Variants in CTNNA3 observed in about 807,000 individuals in gnomAD.
The protein encoded by CTNNA3 is catenin alpha 3.
In CTNNA3, 76 loss-of-function variants were observed where a neutral mutation model predicts 95.7. The ratio of observed to expected loss-of-function variants is 0.79; its 90% CI spans 0.66 to 0.96. The LOEUF is 0.96. Ranked by LOEUF, CTNNA3 falls within the 40% of genes least tolerant of loss-of-function variation. The probability of loss-of-function intolerance (pLI) is 0.00; values close to 1 mark genes in which losing one functional copy is unlikely to be tolerated. For synonymous variants in CTNNA3, 431 were observed against 374.4 expected (o/e 1.15, Z -1.74); for missense variants, 1,191 against 1,089.8 (o/e 1.09, Z -1.31).
intron 10 of CTNNA3, among the ~76,000 whole-genome samples, chr10:66,599,383 A>C (rs1178746409): frequency 3.3e-5 from 5 of 152,012 alleles, no homozygotes; most frequent in Non-Finnish European, 7.4e-5. Flanking sequence ...TAAGAGAAAA[A>C]CCATGAATTA....
chr10:66,891,497 C>A (rs1845268067), intron 7 of CTNNA3, among the ~76,000 whole-genome samples: 1 of 152,090 alleles, frequency 6.6e-6, no homozygotes, highest in African/African-American at 2.4e-5. Context: ...TTCTGAAAAA[C>A]TTCAAACTTT....
chr10:67,244,796 GCTTGCTAGTAGGCAT>G (rs1865849158), intron 5 of CTNNA3, among the ~76,000 whole-genome samples: 1 of 152,148 alleles, frequency 6.6e-6, no homozygotes, highest in Admixed American at 6.5e-5. Flanking sequence ...AAGTCAGTTG[GCTTGCTAGTAGGCAT>G]CTCAGACATT....
At chr10:66,084,712 A>G (rs547336786) in intron 14 of CTNNA3, among the ~76,000 whole-genome samples, 8 of 152,308 alleles carry the variant, frequency 5.3e-5, no homozygotes, top group Non-Finnish European at 1.0e-4. Flanking sequence ...TCCCCAAGTG[A>G]GTTATGAATT....
intron 15 of CTNNA3, among the ~76,000 whole-genome samples, chr10:65,990,114 ATTTT>A (rs2078511891): frequency 2.0e-5 from 3 of 149,990 alleles, no homozygotes; most frequent in Non-Finnish European, 4.4e-5. Flanking sequence ...CACACACCAC[ATTTT>A]ATTTATCCAT....
At chr10:66,628,008 C>A (rs1475988725) in intron 9 of CTNNA3, among the ~76,000 whole-genome samples, 1 of 152,076 alleles carries the variant, frequency 6.6e-6, no homozygotes, top group Non-Finnish European at 1.5e-5. Context: ...ATATCTTTAT[C>A]TTCCCACACT....
chr10:66,362,418 G>T (rs2092682821), intron 12 of CTNNA3, among the ~76,000 whole-genome samples: 1 of 149,768 alleles, frequency 6.7e-6, no homozygotes, highest in African/African-American at 2.4e-5. Flanking sequence ...TTATTAAAAG[G>T]TAATTTGATA....
chr10:67,573,152 G>T (rs78988337), intron 3 of CTNNA3, among the ~76,000 whole-genome samples: 1,581 of 152,134 alleles, frequency 0.01, 28 homozygotes, highest in African/African-American at 0.036. Flanking sequence ...CTTTTAGATC[G>T]ATGTGATTAT....
chr10:66,256,924 C>A (rs2090808745), intron 13 of CTNNA3, among the ~76,000 whole-genome samples: 1 of 152,106 alleles, frequency 6.6e-6, no homozygotes, highest in Admixed American at 6.5e-5. Flanking sequence ...ACAAGCCAAC[C>A]CTGGAAGCCT....
chr10:67,244,229 G>C lies in CTNNA3; in HGVS notation c.580-24359C>G, dbSNP rs183432063. 3.1e-4 allele frequency among the ~76,000 whole-genome samples: 47 copies of C among 152,282 alleles called. No individual in the cohort carries two copies. In the East Asian group the frequency reaches 8.9e-3, roughly 29 times the overall value. The stretch of plus-strand genomic sequence containing the variant: ...GGTCTAAGCCTCTTTTAAAAAACCA[G>C]TGATGATGGTTTTTAATCACTTATA... On this transcript the variant is annotated intron_variant, in intron 5 of 17. Coordinates refer to ENST00000433211, the MANE Select transcript of CTNNA3 (RefSeq NM_013266.4).
intron 7 of CTNNA3, among the ~76,000 whole-genome samples, chr10:67,173,665 GT>G (rs1242103694): frequency 2.6e-5 from 4 of 152,124 alleles, no homozygotes; most frequent in Non-Finnish European, 5.9e-5. Context: ...TTTCGTCCAA[GT>G]TAGAACTAAT....
At chr10:66,446,206 C>A (rs2093419731) in intron 11 of CTNNA3, among the ~76,000 whole-genome samples, 1 of 152,092 alleles carries the variant, frequency 6.6e-6, no homozygotes. Context: ...AAAAAAAGTC[C>A]AGGACCAGAT....
intron 7 of CTNNA3, among the ~76,000 whole-genome samples, chr10:67,025,803 G>A (rs190196518): frequency 6.6e-6 from 1 of 151,898 alleles, no homozygotes; most frequent in African/African-American, 2.4e-5. Context: ...AAAGACACAT[G>A]CACACGTATG....
chr10:67,363,154 G>T (rs952309443), intron 5 of CTNNA3, among the ~76,000 whole-genome samples: 1 of 151,980 alleles, frequency 6.6e-6, no homozygotes, highest in African/African-American at 2.4e-5. Flanking sequence ...CCTGCTTATT[G>T]ACAGAAAGAA....
intron 9 of CTNNA3, among the ~76,000 whole-genome samples, chr10:66,666,630 G>C (rs959268060): frequency 6.6e-6 from 1 of 151,864 alleles, no homozygotes; most frequent in Non-Finnish European, 1.5e-5. Context: ...TATGCCATTA[G>C]GTTTTGAAAT....
intron 5 of CTNNA3, among the ~76,000 whole-genome samples, chr10:67,481,470 T>C (rs1848226243): frequency 6.6e-6 from 1 of 152,104 alleles, no homozygotes; most frequent in Admixed American, 6.6e-5. Flanking sequence ...CAGTAGCAGT[T>C]CTATATACCA....
intron 10 of CTNNA3, among the ~76,000 whole-genome samples, chr10:66,557,266 C>G (rs1181642045): frequency 6.6e-6 from 1 of 152,010 alleles, no homozygotes; most frequent in Non-Finnish European, 1.5e-5. Flanking sequence ...TATCAATTTT[C>G]TATAAGTTCT....
intron 13 of CTNNA3, among the ~76,000 whole-genome samples, chr10:66,178,422 T>TATAC (rs1554880256): frequency 5.5e-5 from 4 of 72,734 alleles, no homozygotes; most frequent in East Asian, 5.1e-4. Context: ...TATATATATA[T>TATAC]ATATATATAT....
At chr10:67,016,291 A>G (rs1205621520) in intron 7 of CTNNA3, among the ~76,000 whole-genome samples, 3 of 152,214 alleles carry the variant, frequency 2.0e-5, no homozygotes, top group Admixed American at 2.0e-4. Context: ...GTTGGCAGCC[A>G]CTATTTCAGC....
chr10:65,944,229 C>A (rs2077475736), intron 17 of CTNNA3, among the ~76,000 whole-genome samples: 1 of 152,200 alleles, frequency 6.6e-6, no homozygotes, highest in South Asian at 2.1e-4. Flanking sequence ...TGCACAGATC[C>A]CTCAAAGAGA....
Sources: allele counts gnomAD v4.1 joint callset (sites outside exome capture counted in the v4.1 genomes callset), GRCh38; gene constraint gnomAD v4.1.1; transcripts MANE v1.5; gene names NCBI Gene and HGNC (gene_info 2026-07-23, HGNC 2026-07-21).